The following STON2 variants were observed in gnomAD, a reference collection of about 807,000 sequenced individuals.
STON2 encodes stonin 2.
A neutral mutation model predicts 65.7 loss-of-function variants in STON2; 29 were observed. That is an observed-to-expected ratio of 0.44 (90% CI 0.33 to 0.60). The LOEUF is 0.60. STON2 is among the 20% of genes least tolerant of loss of function. STON2 has a pLI of 0.03. For missense variants in STON2, 1,054 were observed against 1,118.1 expected (o/e 0.94, Z 0.82); for synonymous variants, 404 against 414.2 (o/e 0.98, Z 0.30).
At position 81,273,652 on chromosome 14, in the gene STON2, G is replaced by A. The variant is rs566466474; in HGVS notation, c.2582-2780C>T. 6.0e-4 allele frequency among the ~76,000 whole-genome samples: 92 copies of A among 152,222 alleles called. 1 individual carries two copies. The highest frequency in any genetic ancestry group is 3.2e-4 in the Non-Finnish European group (22 of 68,002). The stretch of plus-strand genomic sequence containing the variant: ...CCAGGCTGGGCTGGGCCCCGCCGGC[G>A]GGAGTCACGTTGGAATTCAAAGGTA... On this transcript the variant is annotated intron_variant, in intron 6 of 7. Transcript: ENST00000614646.
chr14:81,380,946 C>T (rs1214883910), intron 3 of STON2, among the ~76,000 whole-genome samples: 1 of 151,890 alleles, frequency 6.6e-6, no homozygotes, highest in Non-Finnish European at 1.5e-5. Context: ...AGGTAACAAA[C>T]CTGCACATGT....
upstream of STON2, among the ~76,000 whole-genome samples, chr14:81,402,198 G>T (rs1900642413): frequency 6.6e-6 from 1 of 152,152 alleles, no homozygotes; most frequent in Non-Finnish European, 1.5e-5. Flanking sequence ...AGGGAGATAA[G>T]CCTTCCTCAG....
intron 4 of STON2, among the ~76,000 whole-genome samples, chr14:81,340,075 A>C (rs1595370514): frequency 6.6e-6 from 1 of 152,246 alleles, no homozygotes; most frequent in Admixed American, 6.5e-5. Context: ...AATGGCATAA[A>C]CCCGGGGGAT....
At position 81,277,601 on chromosome 14, in the gene STON2, C is replaced by A. The variant is rs144724401; in HGVS notation, c.1881G>T (p.Glu627Asp). Residue 627 changes from glutamate to aspartate, a missense_variant, in exon 6 of 8, where the codon GAG becomes GAT. By Grantham distance (45) the Glu-to-Asp change is conservative (BLOSUM62 2). Coordinates refer to ENST00000614646, the MANE Select transcript of STON2 (RefSeq NM_001394390.1). ...STVGLNYLEE[E>D]ITVDVRDEFS... is the part of the protein sequence containing the mutation. ...ATTCATCTCTGACATCCACTGTAATCTCCTCTTCAAGGTAGTTGAGGCCAA... is the reference window on the plus strand; with the variant it reads ...ATTCATCTCTGACATCCACTGTAATATCCTCTTCAAGGTAGTTGAGGCCAA... 29 of 1,614,080 alleles carry A rather than the reference C, an allele frequency of 1.8e-5. No individual in the cohort carries two copies. In the South Asian group the frequency reaches 2.7e-4, roughly 15 times the overall value.
At position 81,263,758 on chromosome 14, in the gene STON2, C is replaced by T. The variant is rs1019361825; in HGVS notation, c.*4656G>A. ...TTTTAGAAGAGTTAAAGTTACCACT[C>T]GAACTGGGAGCATTTCTATAAGCAG... On this transcript the variant is annotated 3_prime_UTR_variant, in exon 8 of 8. Transcript: ENST00000614646. 1.0e-6 allele frequency: 1 copy of T among 985,060 alleles called. No homozygotes were observed. Among genetic ancestry groups the T allele is most frequent in the Admixed American group, 6.2e-5 (1 of 16,246 alleles). 61.0% of individuals were successfully genotyped at this position (985,060 alleles called of 1,614,324 possible).
At position 81,385,180 on chromosome 14, in the gene STON2, AG is replaced by A. The variant is rs1275388816; in HGVS notation, c.373+10713del. Among the ~76,000 whole-genome samples, 12 of 152,376 alleles carry A rather than the reference AG, an allele frequency of 7.9e-5. No individual in the cohort carries two copies. The East Asian group carries it at 1.4e-3, about 17-fold the overall frequency. ...TTATTGTGTTTTGTATCCCACACCA[AG>A]GGTGAGCTAGGCCACATGGCCTCTC... is the stretch of plus-strand genomic sequence containing the variant. On this transcript the variant is annotated intron_variant, in intron 3 of 7. Transcript: ENST00000614646.
chr14:81,348,746 G>A (rs1375607348), intron 4 of STON2, among the ~76,000 whole-genome samples: 2 of 151,902 alleles, frequency 1.3e-5, no homozygotes, highest in African/African-American at 2.4e-5. Flanking sequence ...TAGAAAAAAC[G>A]ATCCTAAAAT....
intron 4 of STON2, among the ~76,000 whole-genome samples, chr14:81,338,557 G>T (rs1897466404): frequency 6.6e-6 from 1 of 152,136 alleles, no homozygotes; most frequent in Admixed American, 6.5e-5. Flanking sequence ...TAAACTTAAG[G>T]AGGGAGTCAT....
Position 81,313,789 on chromosome 14 carries a change from C to T in STON2, c.742+10228G>A, listed in dbSNP as rs551479551. On this transcript the variant is annotated intron_variant, in intron 5 of 7. Coordinates refer to ENST00000614646, the MANE Select transcript of STON2 (RefSeq NM_001394390.1). ...CAGCCTCAATGACAAAGAGAGACTC[C>T]GTCTCAAAAAAAAAAAAAAATACAC... 4.7e-5 allele frequency among the ~76,000 whole-genome samples: 6 copies of T among 126,422 alleles called. No homozygotes were observed. In the East Asian group the frequency reaches 1.3e-3, roughly 28 times the overall value. The allele number at this position is 126,422 out of a possible 152,430, so 82.9% of individuals were successfully genotyped here.
At chr14:81,364,893 C>G (rs1305356493) in intron 4 of STON2, among the ~76,000 whole-genome samples, 1 of 152,126 alleles carries the variant, frequency 6.6e-6, no homozygotes, top group African/African-American at 2.4e-5. Context: ...ATAGCAATAA[C>G]ATAAACACAG....
At chr14:81,404,315 C>T (rs898505008), upstream of STON2, among the ~76,000 whole-genome samples, 1 of 152,036 alleles carries the variant, frequency 6.6e-6, no homozygotes, top group Non-Finnish European at 1.5e-5. Context: ...AAAATATACA[C>T]CAGACTTTAA....
At chr14:81,387,003 T>C (rs996188910) in intron 3 of STON2, among the ~76,000 whole-genome samples, 1 of 152,190 alleles carries the variant, frequency 6.6e-6, no homozygotes, top group Non-Finnish European at 1.5e-5. Context: ...AGAGGAAGCC[T>C]TATATGTTAA....
intron 3 of STON2, among the ~76,000 whole-genome samples, chr14:81,374,694 G>A (rs1440282253): frequency 6.6e-6 from 1 of 152,036 alleles, no homozygotes; most frequent in African/African-American, 2.4e-5. Flanking sequence ...GGATAACATA[G>A]ACAAAAAGAT....
intron 3 of STON2, among the ~76,000 whole-genome samples, chr14:81,385,741 G>C (rs996523303): frequency 3.3e-5 from 5 of 152,116 alleles, no homozygotes; most frequent in African/African-American, 1.2e-4. Flanking sequence ...GCAAATCCTA[G>C]GTGGGCACCT....
intron 4 of STON2, among the ~76,000 whole-genome samples, chr14:81,331,084 G>A (rs867434624): frequency 6.6e-6 from 1 of 152,220 alleles, no homozygotes; most frequent in Admixed American, 6.5e-5. Flanking sequence ...CTGAGAAACC[G>A]GTGTGTATGT....
chr14:81,367,879 C>G (rs1442256576), intron 4 of STON2, among the ~76,000 whole-genome samples: 5 of 152,164 alleles, frequency 3.3e-5, no homozygotes, highest in Admixed American at 2.0e-4. Context: ...AGCACCTGGG[C>G]CATCCTGGGT....
rs150769899 is a variant in STON2 at position 81,270,797 on chromosome 14, T to C, written c.2657A>G (p.Asn886Ser). The change falls in exon 7 of 8, where the codon AAT (asparagine) becomes AGT (serine). Residue 886 changes from asparagine to serine, a missense_variant. Physicochemically the swap from Asn to Ser is conservative, Grantham distance 46 (BLOSUM62 1). Coordinates refer to ENST00000614646, the MANE Select transcript of STON2 (RefSeq NM_001394390.1). ...SDREVPSRFANHVNVEFSMPT... is the reference protein window; with the variant it reads ...SDREVPSRFASHVNVEFSMPT... ...CATGCTGAACTCGACATTCACGTGA[T>C]TGGCAAATCTGGAAGGCACTTCCCG... 3.7e-5 allele frequency: 59 copies of C among 1,613,922 alleles called. No individual in the cohort carries two copies. The Admixed American group carries it at 6.2e-4, about 17-fold the overall frequency.
chr14:81,357,997 C>A lies in STON2; in HGVS notation c.571+12991G>T, dbSNP rs146615899. ...GTCACATGTATACCTATGTAACTAA[C>A]CTGCACATTGTGCACATGTACCCTA... On this transcript the variant is annotated intron_variant, in intron 4 of 7. Transcript: ENST00000614646. Among the ~76,000 whole-genome samples, 757 of 151,230 alleles carry A rather than the reference C, an allele frequency of 5.0e-3. 4 individuals carry two copies. Among genetic ancestry groups the A allele is most frequent in the African/African-American group, 0.017 (719 of 41,166 alleles).
intron 5 of STON2, among the ~76,000 whole-genome samples, chr14:81,320,275 C>G (rs764683382): frequency 1.3e-5 from 2 of 150,616 alleles, no homozygotes; most frequent in Non-Finnish European, 3.0e-5. Flanking sequence ...AACTGACATA[C>G]CCACACACCT....
Sources: gnomAD v4.1 joint callset for allele counts (sites outside exome capture counted in the v4.1 genomes callset) on GRCh38, gnomAD v4.1.1 for gene constraint, MANE v1.5 for transcripts, NCBI Gene and HGNC (gene_info 2026-07-23, HGNC 2026-07-21) for gene names.